Variants in FLT1 observed in about 807,000 individuals in gnomAD.
FLT1 encodes vascular endothelial growth factor receptor 1.
Under a neutral mutation model 156.3 loss-of-function variants are expected in FLT1, and 49 were observed. That is an observed-to-expected ratio of 0.31 (90% CI 0.25 to 0.40). The LOEUF (loss-of-function observed/expected upper bound fraction) is 0.40, where lower values mean the gene tolerates loss of function less well. FLT1 is among the 10% of genes least tolerant of loss of function. The pLI is 1.00. For synonymous variants in FLT1, 594 were observed against 583.8 expected, an observed-to-expected ratio of 1.02 and a Z score of -0.25; for missense variants, 1,322 against 1,637.2, an observed-to-expected ratio of 0.81 and a Z score of 3.32.
At chr13:28,488,243 C>CA (rs564002519) in intron 1 of FLT1, among the ~76,000 whole-genome samples, 1 of 151,978 alleles carries the variant, frequency 6.6e-6, no homozygotes, top group African/African-American at 2.4e-5. Flanking sequence ...ACAAAAAACA[C>CA]AAAAAAATTA....
chr13:28,381,113 A>G (rs1344830010), intron 14 of FLT1, among the ~76,000 whole-genome samples: 1 of 152,134 alleles, frequency 6.6e-6, no homozygotes, highest in East Asian at 1.9e-4. Context: ...AAGCTTCCCA[A>G]ATCATTTTAA....
Position 28,301,092 on chromosome 13 carries a change from A to G in FLT1, c.*2075T>C, listed in dbSNP as rs1870495970. 2 of 232,512 alleles carry G rather than the reference A, an allele frequency of 8.6e-6. No individual in the cohort carries two copies. Among genetic ancestry groups the G allele is most frequent in the Non-Finnish European group, 1.7e-5 (2 of 117,756 alleles). The allele number at this position is 232,512 out of a possible 1,614,324, so 14.4% of individuals were successfully genotyped here. Reference sequence around the variant, plus strand: ...ATTTATTATGGTCTCTTAATGATTAAGAATTAATTATTGAAATCAAGACAT... The same window carrying G: ...ATTTATTATGGTCTCTTAATGATTAGGAATTAATTATTGAAATCAAGACAT... On this transcript the variant is annotated 3_prime_UTR_variant, in exon 30 of 30. Coordinates refer to ENST00000282397, the MANE Select transcript of FLT1 (RefSeq NM_002019.4).
At position 28,326,057 on chromosome 13, in the gene FLT1, T is replaced by C. The variant is rs190138139; in HGVS notation, c.2796+1405A>G. Among the ~76,000 whole-genome samples the C allele has an allele frequency of 1.4e-3, 211 of 152,286 alleles. 1 individual carries two copies. Among genetic ancestry groups the C allele is most frequent in the African/African-American group, 4.9e-3 (204 of 41,550 alleles). On this transcript the variant is annotated intron_variant, in intron 20 of 29. Coordinates refer to ENST00000282397, the MANE Select transcript of FLT1 (RefSeq NM_002019.4). ...GATTTCAGACATTTTATCCACCATG[T>C]AGATCAGTGGTACGAAGTTGGACTC...
chr13:28,310,697 T>A (rs538055050), intron 27 of FLT1, among the ~76,000 whole-genome samples: 5 of 152,324 alleles, frequency 3.3e-5, no homozygotes, highest in African/African-American at 1.2e-4. Context: ...ACGGGATAGA[T>A]GCGTTTGTTA....
intron 14 of FLT1, among the ~76,000 whole-genome samples, chr13:28,380,571 G>A (rs1210150438): frequency 6.6e-6 from 1 of 151,956 alleles, no homozygotes; most frequent in East Asian, 1.9e-4. Flanking sequence ...TTGCTAAATA[G>A]TAGCATCCTA....
intron 1 of FLT1, among the ~76,000 whole-genome samples, chr13:28,483,335 T>C (rs764922937): frequency 6.6e-6 from 1 of 152,170 alleles, no homozygotes; most frequent in Non-Finnish European, 1.5e-5. Context: ...TAATGCCAAC[T>C]TAGAGAAAGA....
chr13:28,438,389 A>G lies in FLT1; in HGVS notation c.389-44T>C, dbSNP rs1878153090. 3 of 1,500,390 alleles carry G rather than the reference A, an allele frequency of 2.0e-6. No individual in the cohort carries two copies. In the South Asian group the frequency reaches 3.4e-5, roughly 17 times the overall value. The allele number at this position is 1,500,390 out of a possible 1,614,324, so 92.9% of individuals were successfully genotyped here. ...AAAAAAATATATACATAAATGATTG[A>G]CATGCAAGCATCTAGACACTGTAGC... On this transcript the variant is annotated intron_variant, in intron 3 of 29. Coordinates refer to ENST00000282397, the MANE Select transcript of FLT1 (RefSeq NM_002019.4).
intron 6 of FLT1, among the ~76,000 whole-genome samples, chr13:28,432,560 C>A (rs1284987369): frequency 6.6e-6 from 1 of 152,230 alleles, no homozygotes; most frequent in Non-Finnish European, 1.5e-5. Flanking sequence ...ACTGCAGCCA[C>A]CAGCCACGTG....
At chr13:28,351,733 T>A (rs1266135423) in intron 15 of FLT1, among the ~76,000 whole-genome samples, 2 of 152,226 alleles carry the variant, frequency 1.3e-5, no homozygotes, top group African/African-American at 4.8e-5. Context: ...CTGGAACACA[T>A]TTCTTTTTTC....
chr13:28,387,689 G>C lies in FLT1; in HGVS notation c.1969+2107C>G, dbSNP rs116250992. 1,032 of 1,060,256 alleles carry C rather than the reference G, an allele frequency of 9.7e-4. 7 individuals carry two copies. The African/African-American group carries it at 0.016, about 16-fold the overall frequency. The allele number at this position is 1,060,256 out of a possible 1,614,324, so 65.7% of individuals were successfully genotyped here. ...CCATTTCAATTATTCCCCATTTTAG[G>C]CTCCTTTTTTCTCCTTTTTTTTTTC... On this transcript the variant is annotated intron_variant, in intron 13 of 29. Coordinates refer to ENST00000282397, the MANE Select transcript of FLT1 (RefSeq NM_002019.4).
intron 4 of FLT1, among the ~76,000 whole-genome samples, chr13:28,437,441 G>A (rs911214415): frequency 2.0e-5 from 3 of 152,150 alleles, no homozygotes; most frequent in Admixed American, 6.5e-5. Context: ...TGCACTGTGC[G>A]AGGTGCTGCT....
intron 4 of FLT1, among the ~76,000 whole-genome samples, chr13:28,437,314 C>T (rs1373499224): frequency 1.3e-5 from 2 of 152,164 alleles, no homozygotes; most frequent in African/African-American, 4.8e-5. Context: ...GGAGAATCCT[C>T]CACCACATTT....
chr13:28,329,079 A>C (rs1368247442), intron 19 of FLT1, among the ~76,000 whole-genome samples: 2 of 152,152 alleles, frequency 1.3e-5, no homozygotes, highest in African/African-American at 4.8e-5. Context: ...CAATGATCAC[A>C]CATCTACTCT....
At position 28,318,355 on chromosome 13, in the gene FLT1, G is replaced by A. The variant is rs149122564; in HGVS notation, c.3287-758C>T. Among the ~76,000 whole-genome samples, 194 of 152,160 alleles carry A rather than the reference G, an allele frequency of 1.3e-3. 2 individuals carry two copies. The highest frequency in any genetic ancestry group is 4.2e-3 in the African/African-American group (175 of 41,498). On this transcript the variant is annotated intron_variant, in intron 24 of 29. Transcript: ENST00000282397. ...GCCAGGAGTCTGCAGACCTAAGGGC[G>A]CCAGAGAGGCCTAGGCTTTGCCTTC...
chr13:28,327,788 G>A (rs554975120), intron 19 of FLT1, among the ~76,000 whole-genome samples: 1 of 150,952 alleles, frequency 6.6e-6, no homozygotes. Flanking sequence ...GAGGTGAGGG[G>A]CAGTGCAGAA....
rs755754792 is a variant in FLT1 at position 28,384,948 on chromosome 13, T to C, written c.2053A>G (p.Asn685Asp). 3 of 1,614,070 alleles carry C rather than the reference T, an allele frequency of 1.9e-6. No homozygotes were observed. The East Asian group carries it at 6.7e-5, about 36-fold the overall frequency. The change falls in exon 14 of 30, where the codon AAT becomes GAT. Residue 685 changes from asparagine (N) to aspartate (D), a missense_variant. This residue lies in a region of FLT1 where 991 missense variants were observed against 1,254.8 expected (regional missense o/e 0.79). Coordinates refer to ENST00000282397, the MANE Select transcript of FLT1 (RefSeq NM_002019.4). ...GTGATCTGAGGCTCGGGGACACCATTAGCATGACAGTCTAAAGTGGTGGAA... is the reference window on the plus strand; with the variant it reads ...GTGATCTGAGGCTCGGGGACACCATCAGCATGACAGTCTAAAGTGGTGGAA... ...SSSTTLDCHA[N>D]GVPEPQITWF...
intron 1 of FLT1, among the ~76,000 whole-genome samples, chr13:28,493,171 C>G (rs1881560793): frequency 6.6e-6 from 1 of 152,008 alleles, no homozygotes; most frequent in Non-Finnish European, 1.5e-5. Flanking sequence ...GTACTTTTCC[C>G]TCCGTAATTT....
rs1566050851 is a variant in FLT1 at position 28,473,818 on chromosome 13, GAAAGAAAGAAAGA to G, written c.65-6214_65-6202del. On this transcript the variant is annotated intron_variant, in intron 1 of 29. Transcript: ENST00000282397. ...AGAAAGAAAGAAAGAAAGAAAGAAAGAAAGAAAGAAAGAAAGAAAGGAAGAAAGAAAGAAAGAA... is the reference window on the plus strand; with the variant it reads ...AGAAAGAAAGAAAGAAAGAAAGAAAGAAGAAAGGAAGAAAGAAAGAAAGAA... Among the ~76,000 whole-genome samples, 25 of 126,282 alleles carry G rather than the reference GAAAGAAAGAAAGA, an allele frequency of 2.0e-4. 1 individual carries two copies. The highest frequency in any genetic ancestry group is 7.1e-4 in the South Asian group (3 of 4,212). The allele number at this position is 126,282 out of a possible 152,430, so 82.8% of individuals were successfully genotyped here.
At chr13:28,459,916 A>C (rs1879470590) in intron 3 of FLT1, among the ~76,000 whole-genome samples, 2 of 152,236 alleles carry the variant, frequency 1.3e-5, no homozygotes, top group South Asian at 4.1e-4. Flanking sequence ...TGAAGGGCCC[A>C]CATTCCTGGT....
Sources: allele counts gnomAD v4.1 joint callset (sites outside exome capture counted in the v4.1 genomes callset), GRCh38; gene constraint gnomAD v4.1.1; regional missense constraint gnomAD v4.1.1; transcripts MANE v1.5; gene names NCBI Gene and HGNC (gene_info 2026-07-23, HGNC 2026-07-21).